Variants in ST8SIA4 observed in about 807,000 individuals in gnomAD.
The protein encoded by ST8SIA4 is CMP-N-acetylneuraminate-poly-alpha-2,8-sialyltransferase.
Under a neutral mutation model 33.9 loss-of-function variants are expected in ST8SIA4, and 15 were observed. That is an observed-to-expected ratio of 0.44 (90% CI 0.30 to 0.68). The LOEUF is 0.68. Among genes scored for constraint, ST8SIA4 ranks in the 30% least tolerant of loss-of-function variants. The pLI, the probability that ST8SIA4 is intolerant of heterozygous loss-of-function variation, is 0.10. For missense variants in ST8SIA4, 321 were observed against 428.0 expected, an observed-to-expected ratio of 0.75 and a Z score of 2.21; for synonymous variants, 171 against 151.2, an observed-to-expected ratio of 1.13 and a Z score of -0.96.
intron 4 of ST8SIA4, among the ~76,000 whole-genome samples, chr5:100,821,698 A>G (rs1212448465): frequency 1.3e-5 from 2 of 152,230 alleles, no homozygotes; most frequent in Non-Finnish European, 2.9e-5. Flanking sequence ...TCAGTCAAGG[A>G]TCAGAGTTCT....
At chr5:100,891,477 A>G (rs1162588365) in intron 2 of ST8SIA4, among the ~76,000 whole-genome samples, 1 of 152,060 alleles carries the variant, frequency 6.6e-6, no homozygotes, top group East Asian at 1.9e-4. Flanking sequence ...AAAACGTTTA[A>G]CTGTACCTTA....
chr5:100,840,102 G>T (rs909622267), intron 4 of ST8SIA4, among the ~76,000 whole-genome samples: 5 of 151,298 alleles, frequency 3.3e-5, no homozygotes, highest in African/African-American at 1.2e-4. Flanking sequence ...TATCTTATTT[G>T]GTCTTATCAG....
intron 4 of ST8SIA4, among the ~76,000 whole-genome samples, chr5:100,819,599 A>G (rs1173635862): frequency 6.6e-6 from 1 of 152,212 alleles, no homozygotes; most frequent in Non-Finnish European, 1.5e-5. Context: ...AAGCTCCAGT[A>G]TTCTTCAGAC....
rs1034812111 is a variant in ST8SIA4, at chr5:100,808,364, G to A, written c.*3483C>T. ...CCTTCTTTCAGATAGAAAAACTTCC[G>A]CAGTAGTTTCAACAGTCCTGTGGGC... On this transcript the variant is annotated 3_prime_UTR_variant, in exon 5 of 5. Transcript: ENST00000231461. The A allele has an allele frequency of 6.6e-6, 1 of 152,562 alleles. No individual in the cohort carries two copies. Among genetic ancestry groups the A allele is most frequent in the Non-Finnish European group, 1.5e-5 (1 of 68,028 alleles). 9.5% of individuals were successfully genotyped at this position (152,562 alleles called of 1,614,324 possible). A position where few individuals can be genotyped will look rare whatever the true frequency, so the allele number is the denominator to read the frequency against.
At chr5:100,884,529 G>A (rs532310073) in intron 3 of ST8SIA4, among the ~76,000 whole-genome samples, 2 of 152,276 alleles carry the variant, frequency 1.3e-5, no homozygotes, top group South Asian at 4.1e-4. Flanking sequence ...ATATATGCAG[G>A]CTATATAACT....
At chr5:100,877,583 G>C (rs1372871347) in intron 3 of ST8SIA4, among the ~76,000 whole-genome samples, 3 of 152,124 alleles carry the variant, frequency 2.0e-5, no homozygotes, top group Non-Finnish European at 4.4e-5. Flanking sequence ...TCATAATTCA[G>C]ATTAGAATTT....
In ST8SIA4 at chr5:100,886,420, A is replaced by G; in HGVS notation, c.426T>C (p.Cys142=). The change falls in exon 3 of 5, where the codon TGT becomes TGC. Residue 142 remains cysteine (C), a synonymous_variant. Coordinates refer to ENST00000231461, the MANE Select transcript of ST8SIA4 (RefSeq NM_005668.6). ...GAATGCCAGAATTTCCAACAACTGC[A>G]CAGGTCTTAAACCTGCGATTCTTCA... is the stretch of plus-strand genomic sequence containing the variant. ...SPMKNRRFKT[C]AVVGNSGILL... 1 of 1,613,982 alleles carries G rather than the reference A, an allele frequency of 6.2e-7. No homozygotes were observed. Among genetic ancestry groups the G allele is most frequent in the Non-Finnish European group, 8.5e-7 (1 of 1,179,848 alleles).
chr5:100,901,019 T>C (rs1752897420), intron 1 of ST8SIA4, among the ~76,000 whole-genome samples: 1 of 152,266 alleles, frequency 6.6e-6, no homozygotes, highest in Admixed American at 6.5e-5. Flanking sequence ...CCCGACTAGC[T>C]CAACCGCCGC....
rs1202194832 is a variant in ST8SIA4, at chr5:100,808,482, A to G, written c.*3365T>C. Reference sequence around the variant, plus strand: ...CTACAGCACAGGCTGAATAATAATGATGAAAATGTTTCCATGGTCTATTCA... The same window carrying G: ...CTACAGCACAGGCTGAATAATAATGGTGAAAATGTTTCCATGGTCTATTCA... On this transcript the variant is annotated 3_prime_UTR_variant, in exon 5 of 5. Coordinates refer to ENST00000231461, the MANE Select transcript of ST8SIA4 (RefSeq NM_005668.6). 1 of 152,608 alleles carries G rather than the reference A, an allele frequency of 6.6e-6. No homozygotes were observed. The highest frequency in any genetic ancestry group is 1.5e-5 in the Non-Finnish European group (1 of 68,046). 9.5% of individuals were successfully genotyped at this position (152,608 alleles called of 1,614,324 possible).
At chr5:100,826,626 C>A (rs1407249577) in intron 4 of ST8SIA4, among the ~76,000 whole-genome samples, 1 of 152,092 alleles carries the variant, frequency 6.6e-6, no homozygotes, top group African/African-American at 2.4e-5. Flanking sequence ...ACTGGAAACA[C>A]TTATATACTT....
chr5:100,842,798 A>G (rs1015237392), intron 4 of ST8SIA4, among the ~76,000 whole-genome samples: 6 of 151,878 alleles, frequency 4.0e-5, no homozygotes, highest in African/African-American at 1.2e-4. Context: ...AAAAGAAAAA[A>G]AAGTTAGTTT....
At chr5:100,844,771 G>A (rs1301046161) in intron 4 of ST8SIA4, among the ~76,000 whole-genome samples, 1 of 151,874 alleles carries the variant, frequency 6.6e-6, no homozygotes, top group African/African-American at 2.4e-5. Flanking sequence ...GATTGTTAAA[G>A]CCACTTTAAA....
chr5:100,825,919 C>CA (rs1157465193), intron 4 of ST8SIA4, among the ~76,000 whole-genome samples: 1 of 151,976 alleles, frequency 6.6e-6, no homozygotes, highest in Non-Finnish European at 1.5e-5. Flanking sequence ...ATATTAGGGT[C>CA]AAAAAATACA....
intron 4 of ST8SIA4, among the ~76,000 whole-genome samples, chr5:100,831,460 G>A (rs1751258550): frequency 6.6e-6 from 1 of 151,686 alleles, no homozygotes; most frequent in Non-Finnish European, 1.5e-5. Flanking sequence ...CTTCCCACCT[G>A]GATTCTTAAC....
intron 4 of ST8SIA4, among the ~76,000 whole-genome samples, chr5:100,852,483 C>T: frequency 4.0e-5 from 1 of 25,166 alleles, no homozygotes; most frequent in Non-Finnish European, 3.5e-4. Context: ...AAAAATGCAG[C>T]CCATGTGTGG....
chr5:100,902,468 G>C (rs568812508), intron 1 of ST8SIA4, among the ~76,000 whole-genome samples: 1 of 152,180 alleles, frequency 6.6e-6, no homozygotes, highest in Admixed American at 6.5e-5. Context: ...ATCTCCTTAG[G>C]TGATAGGACA....
intron 2 of ST8SIA4, among the ~76,000 whole-genome samples, chr5:100,888,012 A>G (rs1171172021): frequency 6.6e-6 from 1 of 151,938 alleles, no homozygotes; most frequent in South Asian, 2.1e-4. Context: ...GCCTTCCCAT[A>G]TAAGTCCATA....
chr5:100,858,754 A>G (rs1751871671), intron 3 of ST8SIA4, among the ~76,000 whole-genome samples: 1 of 152,128 alleles, frequency 6.6e-6, no homozygotes, highest in Non-Finnish European at 1.5e-5. Flanking sequence ...ATGAATGCTA[A>G]ATGAGTATGG....
At chr5:100,860,447 A>G (rs1751911400) in intron 3 of ST8SIA4, among the ~76,000 whole-genome samples, 2 of 152,216 alleles carry the variant, frequency 1.3e-5, no homozygotes, top group Non-Finnish European at 2.9e-5. Context: ...ATAGAACAAA[A>G]AAAATCTGTT....
Sources: gnomAD v4.1 joint callset for allele counts (sites outside exome capture counted in the v4.1 genomes callset) on GRCh38, gnomAD v4.1.1 for gene constraint, MANE v1.5 for transcripts, NCBI Gene and HGNC (gene_info 2026-07-23, HGNC 2026-07-21) for gene names.